MCC: variants seen among roughly 807,000 people sequenced by gnomAD.
MCC encodes colorectal mutant cancer protein.
Under a neutral mutation model 116.2 loss-of-function variants are expected in MCC, and 90 were observed. The ratio of observed to expected loss-of-function variants is 0.77; its 90% CI spans 0.65 to 0.92. The LOEUF (loss-of-function observed/expected upper bound fraction) is 0.92. MCC is among the 40% of genes least tolerant of loss of function. The pLI is 0.00. For missense variants in MCC, 1,516 were observed against 1,312.2 expected, an observed-to-expected ratio of 1.16 and a Z score of -2.40; for synonymous variants, 578 against 510.5, an observed-to-expected ratio of 1.13 and a Z score of -1.78.
chr5:113,246,904 G>T lies in MCC; in HGVS notation c.627+93615C>A, dbSNP rs76629024. On this transcript the variant is annotated intron_variant, in intron 3 of 18. Transcript: ENST00000408903. ...CTGAGAAATAGATTCTGAGGTCACA[G>T]ACCAGCCCCCTTTATATTTAAGCAG... is the stretch of plus-strand genomic sequence containing the variant. Among the ~76,000 whole-genome samples, 602 of 152,288 alleles carry T rather than the reference G, an allele frequency of 4.0e-3. 5 individuals are homozygous for T. Among genetic ancestry groups the T allele is most frequent in the African/African-American group, 0.013 (556 of 41,554 alleles).
intron 3 of MCC, among the ~76,000 whole-genome samples, chr5:113,285,287 T>C (rs552557886): frequency 3.3e-5 from 5 of 151,948 alleles, no homozygotes; most frequent in African/African-American, 1.2e-4. Context: ...AGAACACAAC[T>C]TTCCAGGCCT....
At chr5:113,092,758 G>A (rs1219460667) in intron 8 of MCC, among the ~76,000 whole-genome samples, 2 of 152,182 alleles carry the variant, frequency 1.3e-5, no homozygotes, top group Non-Finnish European at 2.9e-5. Context: ...GCTGTTGGGC[G>A]GATGGGCTGG....
At chr5:113,172,753 A>G (rs558164955) in intron 3 of MCC, among the ~76,000 whole-genome samples, 2 of 152,342 alleles carry the variant, frequency 1.3e-5, no homozygotes, top group East Asian at 3.9e-4. Context: ...GTGGAAATAG[A>G]GTTAATTATC....
At chr5:113,256,169 A>T (rs1415302141) in intron 3 of MCC, among the ~76,000 whole-genome samples, 4 of 151,632 alleles carry the variant, frequency 2.6e-5, no homozygotes, top group Non-Finnish European at 5.9e-5. Flanking sequence ...TAGCTGCACC[A>T]ACCCTATCTC....
At chr5:113,397,135 A>G (rs888444419) in intron 1 of MCC, among the ~76,000 whole-genome samples, 23 of 152,262 alleles carry the variant, frequency 1.5e-4, no homozygotes, top group Admixed American at 2.0e-4. Context: ...AATAACATGA[A>G]GAGTTATGAA....
intron 3 of MCC, among the ~76,000 whole-genome samples, chr5:113,228,382 G>C (rs140688707): frequency 1.4e-4 from 22 of 152,282 alleles, no homozygotes; most frequent in African/African-American, 5.1e-4. Flanking sequence ...AGGCAGTGGA[G>C]GGAGTGGTAA....
chr5:113,445,845 A>G (rs552703149), intron 1 of MCC, among the ~76,000 whole-genome samples: 11 of 152,308 alleles, frequency 7.2e-5, no homozygotes, highest in African/African-American at 2.4e-4. Context: ...CCTGACTTCA[A>G]ACTATGTTAT....
chr5:113,049,233 T>G lies in MCC; in HGVS notation c.2515A>C (p.Lys839Gln). The change falls in exon 16 of 19, where the codon AAG becomes CAG. Residue 839 changes from lysine to glutamine, a missense_variant. Lys to Gln is a moderately conservative substitution (Grantham distance 53, BLOSUM62 1). Transcript: ENST00000408903. Reference protein sequence around the residue: ...LEKEKKALELKLSTREAQEQA... With the variant: ...LEKEKKALELQLSTREAQEQA... ...TCCTGGGCCTCCCGCGTGCTCAGCT[T>G]CAGCTCCAGGGCCTTCTTCTCTTTC... The G allele has an allele frequency of 5.6e-6, 9 of 1,613,754 alleles. No homozygotes were observed. The highest frequency in any genetic ancestry group is 7.6e-6 in the Non-Finnish European group (9 of 1,179,868).
intron 1 of MCC, among the ~76,000 whole-genome samples, chr5:113,420,509 T>A (rs1030605364): frequency 6.6e-6 from 1 of 152,210 alleles, no homozygotes; most frequent in African/African-American, 2.4e-5. Flanking sequence ...TAAATTTTAA[T>A]ATACAAACCT....
At chr5:113,137,684 C>T (rs1758922530) in intron 5 of MCC, among the ~76,000 whole-genome samples, 1 of 152,050 alleles carries the variant, frequency 6.6e-6, no homozygotes, top group Admixed American at 6.5e-5. Context: ...ATGCCCCTGT[C>T]TGCGTTTGGT....
intron 1 of MCC, among the ~76,000 whole-genome samples, chr5:113,471,729 A>T (rs562447643): frequency 6.6e-4 from 91 of 137,320 alleles, no homozygotes; most frequent in Middle Eastern, 3.9e-3. Context: ...TGCAGAGGTT[A>T]CTGCTGTCTT....
At chr5:113,034,334 A>G (rs1220020117) in intron 17 of MCC, among the ~76,000 whole-genome samples, 1 of 152,242 alleles carries the variant, frequency 6.6e-6, no homozygotes, top group Non-Finnish European at 1.5e-5. Context: ...CGCTGGGCAG[A>G]GCGAAGCAAG....
At chr5:113,237,073 G>C (rs1225963696) in intron 3 of MCC, among the ~76,000 whole-genome samples, 1 of 152,192 alleles carries the variant, frequency 6.6e-6, no homozygotes, top group Non-Finnish European at 1.5e-5. Flanking sequence ...TTAAATACTT[G>C]CTAATTGACT....
At chr5:113,413,275 G>A (rs1770045443) in intron 1 of MCC, among the ~76,000 whole-genome samples, 1 of 152,188 alleles carries the variant, frequency 6.6e-6, no homozygotes. Flanking sequence ...TCAGAATGAT[G>A]CTGTCCTCAT....
intron 17 of MCC, among the ~76,000 whole-genome samples, chr5:113,042,287 C>A (rs894014296): frequency 7.5e-6 from 1 of 133,242 alleles, no homozygotes; most frequent in African/African-American, 2.8e-5. Flanking sequence ...GCCTGGGCAA[C>A]GTAGGGAGAC....
chr5:113,031,113 C>A (rs933540872), intron 17 of MCC, among the ~76,000 whole-genome samples: 1 of 152,130 alleles, frequency 6.6e-6, no homozygotes, highest in Non-Finnish European at 1.5e-5. Flanking sequence ...GCTCTCCAAA[C>A]TGATCAATGA....
chr5:113,170,280 C>CT (rs1233792686), intron 3 of MCC, among the ~76,000 whole-genome samples: 2 of 152,168 alleles, frequency 1.3e-5, no homozygotes, highest in African/African-American at 4.8e-5. Flanking sequence ...ACTCCTTTCA[C>CT]TTTTTTGTCC....
intron 3 of MCC, among the ~76,000 whole-genome samples, chr5:113,182,051 G>C (rs1423569685): frequency 6.6e-6 from 1 of 152,144 alleles, no homozygotes; most frequent in Non-Finnish European, 1.5e-5. Context: ...AGCTCGGTGG[G>C]TTTAGCTGGA....
Position 113,082,873 on chromosome 5 carries a change from C to T in MCC, c.1771G>A (p.Glu591Lys), listed in dbSNP as rs1754955530. 1.9e-6 allele frequency: 3 copies of T among 1,614,140 alleles called. No homozygotes were observed. Among genetic ancestry groups the T allele is most frequent in the Non-Finnish European group, 8.5e-7 (1 of 1,179,986 alleles). Reference protein sequence around the residue: ...SKIREFEVETERLNSRIEHLK... With the variant: ...SKIREFEVETKRLNSRIEHLK... Reference sequence around the variant, plus strand: ...ATCTCTCCTCACCTATTCAGCCGTTCTGTTTCCACCTCAAACTCTCTAATC... The same window carrying T: ...ATCTCTCCTCACCTATTCAGCCGTTTTGTTTCCACCTCAAACTCTCTAATC... Residue 591 changes from glutamate (E) to lysine (K), a missense_variant, in exon 11 of 19, where the codon GAA becomes AAA. Coordinates refer to ENST00000408903, the MANE Select transcript of MCC (RefSeq NM_001085377.2).
Sources: allele counts gnomAD v4.1 joint callset (sites outside exome capture counted in the v4.1 genomes callset), GRCh38; gene constraint gnomAD v4.1.1; transcripts MANE v1.5; gene names NCBI Gene and HGNC (gene_info 2026-07-23, HGNC 2026-07-21).